Variants in PEX14 observed in about 807,000 individuals in gnomAD.
PEX14 encodes peroxisomal membrane protein PEX14.
A neutral mutation model predicts 49.5 loss-of-function variants in PEX14; 15 were observed. The ratio of observed to expected loss-of-function variants is 0.30; its 90% confidence interval spans 0.20 to 0.47. PEX14 has a LOEUF of 0.47. Among genes scored for constraint, PEX14 ranks in the 20% least tolerant of loss-of-function variants. The pLI is 1.00. For missense variants in PEX14, 398 were observed against 494.8 expected, an observed-to-expected ratio of 0.80 and a Z score of 1.86; for synonymous variants, 210 against 212.7, an observed-to-expected ratio of 0.99 and a Z score of 0.11.
chr1:10,583,172 T>C lies in PEX14; in HGVS notation c.170-16066T>C, dbSNP rs117719061. ...TCCGGACCTCTCAAAACCTGAACAT[T>C]ACTTTTGTCTGTTTTACATATTGGG... On this transcript the variant is annotated intron_variant, in intron 3 of 8. Transcript: ENST00000356607. Among the ~76,000 whole-genome samples the C allele has an allele frequency of 4.2e-4, 64 of 152,070 alleles. 2 individuals carry two copies. The East Asian group carries it at 0.012, about 28-fold the overall frequency.
At chr1:10,585,283 A>G (rs983719625) in intron 3 of PEX14, among the ~76,000 whole-genome samples, 7 of 152,222 alleles carry the variant, frequency 4.6e-5, no homozygotes, top group Non-Finnish European at 7.3e-5. Flanking sequence ...AGAGAAATCC[A>G]TCAGAAACCA....
intron 3 of PEX14, among the ~76,000 whole-genome samples, chr1:10,592,774 C>T (rs1255343623): frequency 6.6e-6 from 1 of 152,206 alleles, no homozygotes; most frequent in Admixed American, 6.5e-5. Flanking sequence ...CCCCGTGAAC[C>T]CAGCCTGTCT....
intron 1 of PEX14, among the ~76,000 whole-genome samples, chr1:10,487,003 A>T (rs1570136521): frequency 6.8e-6 from 1 of 146,824 alleles, no homozygotes; most frequent in South Asian, 2.2e-4. Context: ...TCTGTCTCTT[A>T]AAAAAAAAAA....
intron 2 of PEX14, among the ~76,000 whole-genome samples, chr1:10,511,240 T>A (rs1031368115): frequency 6.6e-6 from 1 of 152,246 alleles, no homozygotes; most frequent in African/African-American, 2.4e-5. Context: ...TTGTCTTTTT[T>A]ATTTTGTTAT....
At chr1:10,532,467 A>G (rs1023752551) in intron 2 of PEX14, among the ~76,000 whole-genome samples, 3 of 152,076 alleles carry the variant, frequency 2.0e-5, no homozygotes, top group Non-Finnish European at 2.9e-5. Context: ...TAAACTAGCT[A>G]TTGGTAATTC....
intron 5 of PEX14, among the ~76,000 whole-genome samples, chr1:10,619,229 G>A (rs1557433933): frequency 2.0e-5 from 3 of 152,092 alleles, no homozygotes; most frequent in South Asian, 4.1e-4. Context: ...ATGCAGGCCA[G>A]GGTAGGTGCC....
chr1:10,601,262 CAA>C (rs58910333), intron 4 of PEX14, among the ~76,000 whole-genome samples: 11 of 57,068 alleles, frequency 1.9e-4, no homozygotes, highest in South Asian at 6.6e-4. Flanking sequence ...GACTCTGTCT[CAA>C]AAAAAAAAAA....
intron 2 of PEX14, among the ~76,000 whole-genome samples, chr1:10,520,261 C>T (rs7540364): frequency 0.027 from 4,097 of 150,894 alleles, 75 homozygotes; most frequent in South Asian, 0.059. Context: ...TGAGCTCAAG[C>T]GATCCTCCTG....
At position 10,629,843 on chromosome 1, in the gene PEX14, G is replaced by T. The variant is rs145761201; in HGVS notation, c.990G>T (p.Glu330Asp). 25 of 1,607,548 alleles carry T rather than the reference G, an allele frequency of 1.6e-5. No homozygotes were observed. The highest frequency in any genetic ancestry group is 1.1e-4 in the African/African-American group (8 of 74,788). The change falls in exon 9 of 9, where the codon GAG becomes GAT. Residue 330 changes from glutamate to aspartate, a missense_variant. Physicochemically the swap from Glu to Asp is conservative, Grantham distance 45. Transcript: ENST00000356607. The surrounding 1 kb of genome is among the most constrained non-coding windows in gnomAD (Gnocchi z 8.5). ...REDKEDEEDE[E>D]DDDVSHVDEE... ...ACAAGGAGGACGAGGAGGATGAGGA[G>T]GATGATGATGTGAGCCATGTGGACG...
At chr1:10,498,528 C>T (rs1295532244) in intron 2 of PEX14, among the ~76,000 whole-genome samples, 2 of 152,160 alleles carry the variant, frequency 1.3e-5, no homozygotes, top group East Asian at 1.9e-4. Flanking sequence ...AGTCTCTAAA[C>T]GACACATTCG....
chr1:10,623,074 G>T lies in PEX14; in HGVS notation c.440G>T (p.Arg147Met). The T allele has an allele frequency of 6.2e-7, 1 of 1,614,000 alleles. No homozygotes were observed. The highest frequency in any genetic ancestry group is 8.5e-7 in the Non-Finnish European group (1 of 1,179,990). Reference protein sequence around the residue: ...GGREDRKQLERMEAGLSELSG... With the variant: ...GGREDRKQLEMMEAGLSELSG... The stretch of plus-strand genomic sequence containing the variant: ...CGAGAGGACAGAAAGCAGCTGGAGA[G>T]GATGGAGGCCGGTCTCTCTGAGCTG... The change falls in exon 6 of 9, where the codon AGG (arginine) becomes ATG (methionine). Residue 147 changes from arginine to methionine, a missense_variant. Arg to Met is a moderately conservative substitution (Grantham distance 91, BLOSUM62 -1). Around this residue, in one of 3 missense-constraint regions of PEX14, gnomAD observed 202 missense variants for 298.5 expected, o/e 0.68. Transcript: ENST00000356607. The surrounding 1 kb of genome is among the most constrained non-coding windows in gnomAD (Gnocchi z 4.4).
intron 3 of PEX14, among the ~76,000 whole-genome samples, chr1:10,551,537 A>T (rs2480771): frequency 0.73 from 110,611 of 151,914 alleles, 41,381 homozygotes; most frequent in Non-Finnish European, 0.82. Context: ...CAGTAAATGT[A>T]TTTCACGCAT....
At chr1:10,517,547 A>G (rs1266398680) in intron 2 of PEX14, among the ~76,000 whole-genome samples, 1 of 152,154 alleles carries the variant, frequency 6.6e-6, no homozygotes, top group Non-Finnish European at 1.5e-5. Context: ...GGAGGCACCG[A>G]GAAGTACTGG....
intron 7 of PEX14, among the ~76,000 whole-genome samples, chr1:10,624,651 C>T (rs1213079337): frequency 6.6e-6 from 1 of 152,202 alleles, no homozygotes; most frequent in Non-Finnish European, 1.5e-5. Flanking sequence ...CTGTCGAGGC[C>T]ATCCTTTCTC....
chr1:10,500,143 C>G (rs1229124582), intron 2 of PEX14, among the ~76,000 whole-genome samples: 2 of 113,948 alleles, frequency 1.8e-5, no homozygotes, highest in African/African-American at 5.4e-5. Context: ...GTGCTCACGC[C>G]TGTAATCCCA....
At chr1:10,555,591 ATAGT>A (rs1302325543) in intron 3 of PEX14, among the ~76,000 whole-genome samples, 1 of 151,986 alleles carries the variant, frequency 6.6e-6, no homozygotes, top group Non-Finnish European at 1.5e-5. Context: ...AGGGAAGAGA[ATAGT>A]TAAATAATTT....
At chr1:10,620,468 A>G (rs1422441950) in intron 5 of PEX14, among the ~76,000 whole-genome samples, 1 of 151,998 alleles carries the variant, frequency 6.6e-6, no homozygotes, top group Non-Finnish European at 1.5e-5. Context: ...AGCCTCGGCA[A>G]CAGAAGGAGA....
intron 1 of PEX14, among the ~76,000 whole-genome samples, chr1:10,484,314 A>G (rs184607918): frequency 6.6e-6 from 1 of 151,740 alleles, no homozygotes; most frequent in Non-Finnish European, 1.5e-5. Context: ...CTGGGATTAC[A>G]TGTGTGAGTC....
intron 3 of PEX14, among the ~76,000 whole-genome samples, chr1:10,559,983 G>A (rs1011061902): frequency 2.0e-5 from 3 of 152,082 alleles, no homozygotes; most frequent in Admixed American, 1.3e-4. Context: ...ACTCCTTTGG[G>A]TAGTTCCCAT....
Sources: allele counts gnomAD v4.1 joint callset (sites outside exome capture counted in the v4.1 genomes callset), GRCh38; gene constraint gnomAD v4.1.1; regional missense constraint gnomAD v4.1.1; non-coding constraint Gnocchi (gnomAD v3.1); transcripts MANE v1.5; gene names NCBI Gene and HGNC (gene_info 2026-07-23, HGNC 2026-07-21).